The following LETMD1 variants were observed in gnomAD, a reference collection of about 807,000 sequenced individuals.
LETMD1 encodes the protein LETM1 domain-containing protein 1.
In LETMD1, 30 loss-of-function variants were observed where a neutral mutation model predicts 43.9. The ratio of observed to expected loss-of-function variants is 0.68; its 90% CI spans 0.51 to 0.93. The LOEUF (loss-of-function observed/expected upper bound fraction) is 0.93. LETMD1 is among the 40% of genes least tolerant of loss of function. The pLI is 0.00. For missense variants in LETMD1, 413 were observed against 447.7 expected (o/e 0.92, Z 0.70); for synonymous variants, 176 against 163.1 (o/e 1.08, Z -0.60).
rs751039516 is a variant in LETMD1 at position 51,060,292 on chromosome 12, ATAGT to A, written c.*866_*869del. The A allele has an allele frequency of 6.5e-6, 1 of 152,680 alleles. No homozygotes were observed. Among genetic ancestry groups the A allele is most frequent in the South Asian group, 2.1e-4 (1 of 4,834 alleles). 9.5% of individuals were successfully genotyped at this position (152,680 alleles called of 1,614,324 possible). On this transcript the variant is annotated 3_prime_UTR_variant, in exon 9 of 9. Transcript: ENST00000262055. ...CCTGGGGAGATCAGGAGAGGTCTGC[ATAGT>A]TAGTAAGTTGGGTTTAGCTTTTGTG...
At position 51,056,255 on chromosome 12, in the gene LETMD1, T is replaced by C; in HGVS notation, c.762+10T>C. On this transcript the variant is annotated intron_variant, in intron 6 of 8. Coordinates refer to ENST00000262055, the MANE Select transcript of LETMD1 (RefSeq NM_015416.5). ...CCAGGCTTTGCACGTGGTGAGCACT[T>C]TGAGGGCTTCTCTTTTCCATAGCAT... 1 of 1,614,116 alleles carries C rather than the reference T, an allele frequency of 6.2e-7. No individual in the cohort carries two copies. The highest frequency in any genetic ancestry group is 8.5e-7 in the Non-Finnish European group (1 of 1,179,894).
At position 51,048,469 on chromosome 12, in the gene LETMD1, G is replaced by A; in HGVS notation, c.113G>A (p.Gly38Glu). The A allele has an allele frequency of 6.2e-7, 1 of 1,613,582 alleles. No homozygotes were observed. The highest frequency in any genetic ancestry group is 2.2e-5 in the East Asian group (1 of 44,874). The change falls in exon 1 of 9, where the codon GGG becomes GAG. Residue 38 changes from glycine (G) to glutamate (E), a missense_variant. By Grantham distance (98) the Gly-to-Glu change is moderately conservative (BLOSUM62 -2). Coordinates refer to ENST00000262055, the MANE Select transcript of LETMD1 (RefSeq NM_015416.5). ...LQLGRSGLAW[G>E]APRSSKLHLS... ...CTTGGTCGCTCTGGCCTGGCTTGGGGGGCCCCTCGGTGAGGGACCTGTAGC... is the reference window on the plus strand; with the variant it reads ...CTTGGTCGCTCTGGCCTGGCTTGGGAGGCCCCTCGGTGAGGGACCTGTAGC...
downstream of LETMD1, chr12:51,063,139 G>A (rs145529391): frequency 4.1e-4 from 63 of 152,266 alleles, no homozygotes; most frequent in African/African-American, 1.5e-3. Context: ...GTGGGGAACA[G>A]GTCAGAGAAC....
Position 51,058,073 on chromosome 12 carries a change from A to G in LETMD1, c.957A>G (p.Glu319=). 6.2e-7 allele frequency: 1 copy of G among 1,613,906 alleles called. No individual in the cohort carries two copies. ...GCCTGAATTCTACGCATATTGGTGA[A>G]GATAGGTGTCGAACTTGGCTGGGAG... ...LRGLNSTHIG[E]DRCRTWLGEW... is the part of the protein sequence containing the mutation. The change falls in exon 8 of 9, where the codon GAA becomes GAG. Residue 319 remains glutamate (E), a synonymous_variant. Transcript: ENST00000262055.
downstream of LETMD1, chr12:51,063,911 A>G (rs760180966): frequency 5.6e-6 from 9 of 1,613,930 alleles, no homozygotes; most frequent in Non-Finnish European, 7.6e-6. Context: ...CCTCAGGGTT[A>G]CAATCTTCGG....
chr12:51,059,517 T>G lies in LETMD1; in HGVS notation c.*86T>G. 1 of 1,208,132 alleles carries G rather than the reference T, an allele frequency of 8.3e-7. No homozygotes were observed. The highest frequency in any genetic ancestry group is 1.2e-6 in the Non-Finnish European group (1 of 814,074). The allele number at this position is 1,208,132 out of a possible 1,614,324, so 74.8% of individuals were successfully genotyped here. A position where few individuals can be genotyped will look rare whatever the true frequency, so the allele number is the denominator to read the frequency against. ...ACAGCACTTGCCAGCAAAGTCTGTG[T>G]GTACTGTTAAGTGTGTGGGAGGCAG... On this transcript the variant is annotated 3_prime_UTR_variant, in exon 9 of 9. Transcript: ENST00000262055.
At chr12:51,051,748 A>G (rs1449661618) in intron 2 of LETMD1, among the ~76,000 whole-genome samples, 15 of 152,188 alleles carry the variant, frequency 9.9e-5, no homozygotes, top group Admixed American at 9.8e-4. Context: ...GATTAAATTA[A>G]TATCTGGCTG....
At chr12:51,056,308 T>A in intron 6 of LETMD1, 42 bp from the exon 7 acceptor site, 2 of 1,613,946 alleles carry the variant, frequency 1.2e-6, no homozygotes, top group South Asian at 2.2e-5. Context: ...TTGCTTGAGC[T>A]CATACTATTT....
At chr12:51,062,976 G>A (rs984980206), downstream of LETMD1, 1 of 152,260 alleles carries the variant, frequency 6.6e-6, no homozygotes, top group African/African-American at 2.4e-5. Flanking sequence ...ACGTACAGAA[G>A]GCTCAGGCTC....
chr12:51,055,375 A>C (rs1460443021), intron 4 of LETMD1, among the ~76,000 whole-genome samples: 1 of 152,016 alleles, frequency 6.6e-6, no homozygotes, highest in Non-Finnish European at 1.5e-5. Context: ...GAGTCACTTA[A>C]GAGAAAGGGC....
intron 4 of LETMD1, among the ~76,000 whole-genome samples, chr12:51,054,925 C>G (rs758040271): frequency 6.6e-6 from 1 of 152,054 alleles, no homozygotes; most frequent in Non-Finnish European, 1.5e-5. Flanking sequence ...ACAGTGAAAC[C>G]CTGTCTCTAC....
Position 51,055,825 on chromosome 12 carries a change from C to G in LETMD1, c.474-10C>G. ...TCAGCAAGTGAGTTTGTGATTCTTTCTCCTTTCAGGTACCTGTTTCCCAGG... is the reference window on the plus strand; with the variant it reads ...TCAGCAAGTGAGTTTGTGATTCTTTGTCCTTTCAGGTACCTGTTTCCCAGG... On this transcript the variant is annotated splice_polypyrimidine_tract_variant and intron_variant, in intron 4 of 8. Coordinates refer to ENST00000262055, the MANE Select transcript of LETMD1 (RefSeq NM_015416.5). 2 of 1,577,484 alleles carry G rather than the reference C, an allele frequency of 1.3e-6. No homozygotes were observed. The highest frequency in any genetic ancestry group is 1.2e-5 in the South Asian group (1 of 85,300).
intron 2 of LETMD1, 59 bp from the exon 3 acceptor site, chr12:51,052,033 T>G: frequency 6.7e-7 from 1 of 1,483,602 alleles, no homozygotes; most frequent in Admixed American, 1.8e-5. Flanking sequence ...AGTAGGAAGC[T>G]GTGGTTAAGA....
At chr12:51,056,102 C>A in intron 5 of LETMD1, 42 bp from the exon 6 acceptor site, 2 of 1,604,444 alleles carry the variant, frequency 1.2e-6, no homozygotes, top group Non-Finnish European at 1.7e-6. Flanking sequence ...GAGGAGTAGT[C>A]AGGACTTTCC....
downstream of LETMD1, chr12:51,062,368 C>T (rs957699223): frequency 2.6e-5 from 4 of 152,186 alleles, no homozygotes; most frequent in Admixed American, 1.3e-4. Flanking sequence ...TCCCTACTGC[C>T]TCCATTTTAG....
At chr12:51,063,200 G>A (rs1203846873), downstream of LETMD1, 1 of 152,114 alleles carries the variant, frequency 6.6e-6, no homozygotes, top group Non-Finnish European at 1.5e-5. Context: ...ATTGAAGGAA[G>A]GCAGGTTACA....
intron 2 of LETMD1, chr12:51,049,446 A>G (rs1419643529): frequency 8.2e-6 from 3 of 365,482 alleles, no homozygotes; most frequent in African/African-American, 6.1e-5. Context: ...TTTCTTAACC[A>G]CACACCTGGC....
Position 51,049,141 on chromosome 12 carries a change from G to A in LETMD1, c.230G>A (p.Arg77His), listed in dbSNP as rs202187870. The A allele has an allele frequency of 1.3e-5, 21 of 1,613,808 alleles. No individual in the cohort carries two copies. The highest frequency in any genetic ancestry group is 1.6e-5 in the Non-Finnish European group (19 of 1,179,892). Residue 77 changes from arginine (R) to histidine (H), a missense_variant, in exon 2 of 9, where the codon CGT (arginine) becomes CAT (histidine). Physicochemically the swap from Arg to His is conservative, Grantham distance 29 (BLOSUM62 0). Transcript: ENST00000262055. Reference protein sequence around the residue: ...INGKYHRFLGRHFPRFYVLYT... With the variant: ...INGKYHRFLGHHFPRFYVLYT... ...GGGAAATACCATCGTTTCTTGGGTCGTCATTTCCCCCGCTTCTATGTCCTG... is the reference window on the plus strand; with the variant it reads ...GGGAAATACCATCGTTTCTTGGGTCATCATTTCCCCCGCTTCTATGTCCTG...
At chr12:51,049,259 C>G (rs1945264789) in intron 2 of LETMD1, 74 bp downstream of exon 2, 2 of 1,346,534 alleles carry the variant, frequency 1.5e-6, no homozygotes, top group Non-Finnish European at 1.0e-6. Flanking sequence ...TAAATAAGAT[C>G]ATTTGCAGGT....
Sources: gnomAD v4.1 joint callset for allele counts (sites outside exome capture counted in the v4.1 genomes callset) on GRCh38, gnomAD v4.1.1 for gene constraint, MANE v1.5 for transcripts, NCBI Gene and HGNC (gene_info 2026-07-23, HGNC 2026-07-21) for gene names.